Variants in PREX1 observed in about 807,000 individuals in gnomAD.
PREX1 encodes phosphatidylinositol 3,4,5-trisphosphate-dependent Rac exchanger 1 protein.
In PREX1, 41 loss-of-function variants were observed where a neutral mutation model predicts 198.3. The ratio of observed to expected loss-of-function variants is 0.21; its 90% CI spans 0.16 to 0.27. The LOEUF (loss-of-function observed/expected upper bound fraction) is 0.27, where lower values mean the gene tolerates loss of function less well. Among genes scored for constraint, PREX1 ranks in the 10% least tolerant of loss-of-function variants. The pLI is 1.00. For synonymous variants in PREX1, 843 were observed against 887.2 expected (o/e 0.95, Z 0.89); for missense variants, 1,620 against 2,200.7 (o/e 0.74, Z 5.28).
chr20:48,707,789 C>T (rs2089910145), intron 6 of PREX1, among the ~76,000 whole-genome samples: 1 of 152,196 alleles, frequency 6.6e-6, no homozygotes, highest in African/African-American at 2.4e-5. Context: ...TGAGTACCTA[C>T]TATGTACCAG....
At chr20:48,797,342 C>A (rs1042208839) in intron 1 of PREX1, among the ~76,000 whole-genome samples, 5 of 151,380 alleles carry the variant, frequency 3.3e-5, no homozygotes, top group Non-Finnish European at 7.4e-5. Flanking sequence ...CTGCTCCCCC[C>A]AGACCCCCCC....
intron 1 of PREX1, among the ~76,000 whole-genome samples, chr20:48,751,582 C>T (rs1601113881): frequency 1.3e-5 from 2 of 152,340 alleles, no homozygotes; most frequent in African/African-American, 2.4e-5. Context: ...CCAGGCAGCA[C>T]GGCGTCCCCT....
At chr20:48,674,648 T>A (rs963828200) in intron 14 of PREX1, among the ~76,000 whole-genome samples, 1 of 152,208 alleles carries the variant, frequency 6.6e-6, no homozygotes. Flanking sequence ...TCAGCCTCTC[T>A]GGGCCCACTT....
At chr20:48,791,372 G>C (rs1007244901) in intron 1 of PREX1, among the ~76,000 whole-genome samples, 22 of 152,220 alleles carry the variant, frequency 1.4e-4, no homozygotes, top group African/African-American at 4.8e-4. Context: ...ATCAAACCCA[G>C]AGGAGGTGTT....
At chr20:48,656,635 G>A (rs530562191) in intron 18 of PREX1, 19 of 440,658 alleles carry the variant, frequency 4.3e-5, no homozygotes, top group African/African-American at 1.4e-4. Context: ...ACCCCGACTC[G>A]CAGTGACGTC....
At chr20:48,630,913 A>G in intron 35 of PREX1, 119 bp from the exon 36 acceptor site, 1 of 751,622 alleles carries the variant, frequency 1.3e-6, no homozygotes, top group African/African-American at 1.7e-5. Flanking sequence ...CTCAGAATGA[A>G]ATCCCTGAGA....
At chr20:48,675,295 C>T (rs1447505001) in intron 14 of PREX1, among the ~76,000 whole-genome samples, 2 of 152,172 alleles carry the variant, frequency 1.3e-5, no homozygotes, top group African/African-American at 4.8e-5. Context: ...CGACAGACAC[C>T]GAACCTGCCG....
At chr20:48,872,377 A>G in the PREX1 span, among the ~76,000 whole-genome samples, 7 of 151,998 alleles carry the variant, frequency 4.6e-5, no homozygotes, top group African/African-American at 1.7e-4. Context: ...TAGATTGTAC[A>G]CTCCTTGAAG....
At chr20:48,764,274 A>C (rs1440898810) in intron 1 of PREX1, among the ~76,000 whole-genome samples, 1 of 152,218 alleles carries the variant, frequency 6.6e-6, no homozygotes, top group African/African-American at 2.4e-5. Flanking sequence ...CAGACATCAG[A>C]GGACTCTCAG....
intron 14 of PREX1, among the ~76,000 whole-genome samples, chr20:48,668,923 G>A (rs758640870): frequency 5.3e-5 from 8 of 152,108 alleles, no homozygotes; most frequent in South Asian, 4.1e-4. Context: ...CTTCTGAGGC[G>A]CTCACAGTCC....
chr20:48,814,428 G>A (rs781656954), intron 1 of PREX1, among the ~76,000 whole-genome samples: 11 of 152,286 alleles, frequency 7.2e-5, no homozygotes, highest in East Asian at 3.9e-4. Context: ...CTGAGGAAGC[G>A]GCACTTGAGC....
At chr20:48,868,817 A>G in the PREX1 span, among the ~76,000 whole-genome samples, 1 of 152,204 alleles carries the variant, frequency 6.6e-6, no homozygotes, top group South Asian at 2.1e-4. Context: ...AGAGAGCATA[A>G]CAAACACATT....
chr20:48,764,219 G>A (rs2090197687), intron 1 of PREX1, among the ~76,000 whole-genome samples: 2 of 152,186 alleles, frequency 1.3e-5, no homozygotes, highest in Admixed American at 1.3e-4. Context: ...CTGATCCAAC[G>A]TGAAAGGAGG....
chr20:48,744,027 T>C (rs1022179590), intron 3 of PREX1, among the ~76,000 whole-genome samples: 2 of 150,006 alleles, frequency 1.3e-5, no homozygotes, highest in African/African-American at 4.9e-5. Flanking sequence ...ATGATGATGA[T>C]GATGATGAGT....
At chr20:48,763,075 G>T (rs755631656) in intron 1 of PREX1, among the ~76,000 whole-genome samples, 1 of 152,206 alleles carries the variant, frequency 6.6e-6, no homozygotes, top group Non-Finnish European at 1.5e-5. Context: ...TGAATATACC[G>T]AAAACCATTC....
chr20:48,630,679 C>T (rs577363395), intron 36 of PREX1, 49 bp downstream of exon 36: 22 of 1,492,356 alleles, frequency 1.5e-5, no homozygotes, highest in East Asian at 2.3e-5. Context: ...GACTCCTGAG[C>T]GCCCCACCCT....
chr20:48,831,469 T>A (rs181952082), upstream of PREX1, among the ~76,000 whole-genome samples: 157 of 152,332 alleles, frequency 1.0e-3, no homozygotes, highest in African/African-American at 3.7e-3. Context: ...GTCCTGAGGC[T>A]GCAGCACTGA....
At chr20:48,711,048 C>G (rs896755974) in intron 5 of PREX1, among the ~76,000 whole-genome samples, 1 of 152,242 alleles carries the variant, frequency 6.6e-6, no homozygotes, top group African/African-American at 2.4e-5. Context: ...TTTAAAGGAC[C>G]TCCCTGGCTG....
the PREX1 span, among the ~76,000 whole-genome samples, chr20:48,872,787 T>A: frequency 6.6e-6 from 1 of 151,782 alleles, no homozygotes; most frequent in African/African-American, 2.4e-5. Context: ...AAATAAGCAA[T>A]GGGTACAAAG....
Sources: gnomAD v4.1 joint callset for allele counts (sites outside exome capture counted in the v4.1 genomes callset) on GRCh38, gnomAD v4.1.1 for gene constraint, MANE v1.5 for transcripts, NCBI Gene and HGNC (gene_info 2026-07-23, HGNC 2026-07-21) for gene names.